Variants in TDRD5 observed in about 807,000 individuals in gnomAD.
The protein encoded by TDRD5 is tudor domain-containing protein 5.
A neutral mutation model predicts 120.6 loss-of-function variants in TDRD5; 41 were observed. The ratio of observed to expected loss-of-function variants is 0.34; its 90% CI spans 0.26 to 0.44. The LOEUF (loss-of-function observed/expected upper bound fraction) is 0.44. TDRD5 is among the 20% of genes least tolerant of loss of function. The pLI is 1.00. For missense variants in TDRD5, 1,006 were observed against 1,221.2 expected (o/e 0.82, Z 2.63); for synonymous variants, 430 against 433.7 (o/e 0.99, Z 0.11).
intron 11 of TDRD5, among the ~76,000 whole-genome samples, chr1:179,646,954 T>G (rs374649899): frequency 2.7e-5 from 4 of 149,338 alleles, no homozygotes; most frequent in South Asian, 2.2e-4. Context: ...TAAAAGAGGA[T>G]ACAAACAAAT....
intron 15 of TDRD5, among the ~76,000 whole-genome samples, chr1:179,662,652 A>C (rs978418685): frequency 6.6e-6 from 1 of 152,184 alleles, no homozygotes; most frequent in Non-Finnish European, 1.5e-5. Context: ...ATTTAAATTT[A>C]ATTGTCTAGG....
At chr1:179,654,963 T>C (rs951401952) in intron 14 of TDRD5, among the ~76,000 whole-genome samples, 2 of 152,162 alleles carry the variant, frequency 1.3e-5, no homozygotes, top group African/African-American at 4.8e-5. Context: ...AAAAACCCAT[T>C]GGGAAAAATG....
chr1:179,649,661 G>C (rs1678604088), intron 11 of TDRD5, among the ~76,000 whole-genome samples: 2 of 152,140 alleles, frequency 1.3e-5, no homozygotes, highest in South Asian at 4.1e-4. Context: ...AGCATAGTAA[G>C]TTTAGTTGTT....
At chr1:179,642,185 C>T (rs544490036) in intron 11 of TDRD5, among the ~76,000 whole-genome samples, 86 of 152,096 alleles carry the variant, frequency 5.7e-4, no homozygotes, top group African/African-American at 2.0e-3. Flanking sequence ...ACTCCAACCT[C>T]CACCTCCCTG....
chr1:179,634,421 A>T, intron 7 of TDRD5, 36 bp from the exon 8 acceptor site: 1 of 1,572,722 alleles, frequency 6.4e-7, no homozygotes, highest in Non-Finnish European at 8.6e-7. Flanking sequence ...GCCATTTGAG[A>T]TGGAGTTGTT....
intron 4 of TDRD5, among the ~76,000 whole-genome samples, chr1:179,597,477 G>A (rs1222714313): frequency 6.6e-5 from 10 of 151,394 alleles, no homozygotes; most frequent in Non-Finnish European, 1.5e-4. Flanking sequence ...GATTACAGGC[G>A]TCAGCCACCA....
At chr1:179,594,962 C>G (rs1675307788) in intron 3 of TDRD5, among the ~76,000 whole-genome samples, 1 of 152,138 alleles carries the variant, frequency 6.6e-6, no homozygotes, top group Non-Finnish European at 1.5e-5. Context: ...GTGAATATTC[C>G]TTTCCAGTGA....
intron 4 of TDRD5, among the ~76,000 whole-genome samples, chr1:179,596,823 C>T (rs758975556): frequency 1.8e-4 from 28 of 152,034 alleles, no homozygotes; most frequent in Non-Finnish European, 2.8e-4. Context: ...TGTGTAAATA[C>T]CTGGGGGTTG....
rs79636031 is a variant in TDRD5, at chr1:179,641,267, C to T, written c.1800+822C>T. 4.0e-3 allele frequency among the ~76,000 whole-genome samples: 605 copies of T among 152,058 alleles called. 39 individuals are homozygous for T. The East Asian group carries it at 0.1, about 26-fold the overall frequency. ...TTTGTAAAGAAGAAAGAAAAACTAA[C>T]GCCTGTAATCCCAGCACTTTGGGAA... On this transcript the variant is annotated intron_variant, in intron 11 of 17. Coordinates refer to ENST00000444136, the MANE Select transcript of TDRD5 (RefSeq NM_001199085.3).
chr1:179,600,455 G>A (rs574806278), intron 4 of TDRD5, among the ~76,000 whole-genome samples: 1 of 152,270 alleles, frequency 6.6e-6, no homozygotes, highest in Non-Finnish European at 1.5e-5. Flanking sequence ...TCCTAGGTGT[G>A]TAGTAAGGTT....
rs745777571 is a variant in TDRD5, at chr1:179,631,851, A to ATTTTTTT, written c.1126+947_1126+953dup. On this transcript the variant is annotated intron_variant, in intron 7 of 17. Coordinates refer to ENST00000444136, the MANE Select transcript of TDRD5 (RefSeq NM_001199085.3). The stretch of plus-strand genomic sequence containing the variant: ...TACCACATTGCATTTAGGGCACTTG[A>ATTTTTTT]TTTTTTTTTTTTTTTTTTTTTTGTG... Among the ~76,000 whole-genome samples, 128 of 74,290 alleles carry ATTTTTTT rather than the reference A, an allele frequency of 1.7e-3. 1 individual carries two copies. The highest frequency in any genetic ancestry group is 2.6e-3 in the Non-Finnish European group (102 of 39,780). The allele number at this position is 74,290 out of a possible 152,430, so 48.7% of individuals were successfully genotyped here.
intron 15 of TDRD5, among the ~76,000 whole-genome samples, chr1:179,662,847 C>T (rs955307635): frequency 1.3e-5 from 2 of 152,090 alleles, no homozygotes; most frequent in African/African-American, 4.8e-5. Context: ...TTATCATTGG[C>T]CCCTAGTCAA....
intron 17 of TDRD5, among the ~76,000 whole-genome samples, chr1:179,680,186 C>A (rs911249572): frequency 1.3e-5 from 2 of 151,934 alleles, no homozygotes; most frequent in Non-Finnish European, 2.9e-5. Flanking sequence ...AATTTTAATT[C>A]TTTAACATTT....
rs768057959 is a variant in TDRD5 at position 179,690,839 on chromosome 1, A to G, written c.3004A>G (p.Ile1002Val). The G allele has an allele frequency of 2.5e-6, 4 of 1,614,058 alleles. No homozygotes were observed. The African/African-American group carries it at 4.0e-5, about 16-fold the overall frequency. Residue 1002 changes from isoleucine (I) to valine (V), a missense_variant, in exon 18 of 18, where the codon ATT becomes GTT. Around this residue, in one of 3 missense-constraint regions of TDRD5, gnomAD observed 403 missense variants for 448.1 expected, o/e 0.90. Coordinates refer to ENST00000444136, the MANE Select transcript of TDRD5 (RefSeq NM_001199085.3). Reference sequence around the variant, plus strand: ...GTGCCAGATTTCTCAGAAGCTCTACATTCCTCGAAGTACAGCCACTGCTGC... The same window carrying G: ...GTGCCAGATTTCTCAGAAGCTCTACGTTCCTCGAAGTACAGCCACTGCTGC... ...YECQISQKLYIPRSTATAALG... is the reference protein window; with the variant it reads ...YECQISQKLYVPRSTATAALG...
intron 6 of TDRD5, among the ~76,000 whole-genome samples, chr1:179,627,741 G>A (rs574745352): frequency 1.3e-5 from 2 of 151,990 alleles, no homozygotes; most frequent in African/African-American, 4.8e-5. Context: ...GAGTTTATAC[G>A]ATACTAAAAA....
chr1:179,670,810 G>A (rs917105189), intron 17 of TDRD5, among the ~76,000 whole-genome samples: 1 of 152,050 alleles, frequency 6.6e-6, no homozygotes, highest in African/African-American at 2.4e-5. Context: ...TTCTTTGTCA[G>A]GTATAAATAT....
chr1:179,636,000 A>G (rs908983319), intron 9 of TDRD5, 113 bp downstream of exon 9: 3 of 752,836 alleles, frequency 4.0e-6, no homozygotes, highest in African/African-American at 1.8e-5. Context: ...GCTTTTTTTT[A>G]TCAGTATTTA....
At chr1:179,610,244 G>A (rs1283329129) in intron 4 of TDRD5, among the ~76,000 whole-genome samples, 2 of 152,116 alleles carry the variant, frequency 1.3e-5, no homozygotes, top group African/African-American at 4.8e-5. Flanking sequence ...AAGAAAGAGT[G>A]TTCATTTATG....
rs779715064 is a variant in TDRD5, at chr1:179,652,000, A to G, written c.2002-39A>G. The G allele has an allele frequency of 6.3e-6, 10 of 1,599,100 alleles. No homozygotes were observed. In the South Asian group the frequency reaches 1.0e-4, roughly 16 times the overall value. The stretch of plus-strand genomic sequence containing the variant: ...CTTTCTCGCCCTTTTTCTGTTGGTC[A>G]TGTAAATTAAACCATCCCTTTTCTT... On this transcript the variant is annotated intron_variant, in intron 12 of 17. Coordinates refer to ENST00000444136, the MANE Select transcript of TDRD5 (RefSeq NM_001199085.3).
Sources: allele counts gnomAD v4.1 joint callset (sites outside exome capture counted in the v4.1 genomes callset), GRCh38; gene constraint gnomAD v4.1.1; regional missense constraint gnomAD v4.1.1; transcripts MANE v1.5; gene names NCBI Gene and HGNC (gene_info 2026-07-23, HGNC 2026-07-21).